DMXL1: variants seen among roughly 807,000 people sequenced by gnomAD.
DMXL1 encodes the protein dmX-like protein 1.
Under a neutral mutation model 319.2 loss-of-function variants are expected in DMXL1, and 99 were observed. That is an observed-to-expected ratio of 0.31 (90% CI 0.26 to 0.37). The LOEUF (loss-of-function observed/expected upper bound fraction) is 0.37. Ranked by LOEUF, DMXL1 falls within the 10% of genes least tolerant of loss-of-function variation. The probability of loss-of-function intolerance (pLI) is 1.00; values close to 1 mark genes in which losing one functional copy is unlikely to be tolerated. For synonymous variants in DMXL1, 1,385 were observed against 1,235.2 expected (o/e 1.12, Z -2.54); for missense variants, 3,745 against 3,595.6 (o/e 1.04, Z -1.06).
chr5:119,125,689 C>G (rs1763380959), intron 9 of DMXL1, among the ~76,000 whole-genome samples: 1 of 151,956 alleles, frequency 6.6e-6, no homozygotes, highest in Admixed American at 6.6e-5. Context: ...CTCTGCCTCC[C>G]AAGTAGCTGG....
intron 42 of DMXL1, among the ~76,000 whole-genome samples, chr5:119,241,027 C>A (rs973822426): frequency 6.6e-6 from 1 of 152,102 alleles, no homozygotes; most frequent in African/African-American, 2.4e-5. Flanking sequence ...AGATGAAAAT[C>A]ATAATTTTTT....
At position 119,238,980 on chromosome 5, in the gene DMXL1, C is replaced by T; in HGVS notation, c.8560-9C>T. On this transcript the variant is annotated splice_polypyrimidine_tract_variant and intron_variant, in intron 40 of 43. Coordinates refer to ENST00000539542, the MANE Select transcript of DMXL1 (RefSeq NM_001290321.3). ...GAGGAGTAACACGTATTGTTTGTAA[C>T]CATTCCAGACTTGGCAGTGTCATAA... is the stretch of plus-strand genomic sequence containing the variant. 6.2e-7 allele frequency: 1 copy of T among 1,613,472 alleles called. No individual in the cohort carries two copies. Among genetic ancestry groups the T allele is most frequent in the African/African-American group, 1.3e-5 (1 of 74,992 alleles).
chr5:119,153,122 G>A (rs1236577552), intron 19 of DMXL1, among the ~76,000 whole-genome samples: 1 of 151,866 alleles, frequency 6.6e-6, no homozygotes, highest in Non-Finnish European at 1.5e-5. Flanking sequence ...GACTACAGGC[G>A]CACACCACCA....
At chr5:119,117,704 A>G (rs908395300) in intron 7 of DMXL1, among the ~76,000 whole-genome samples, 1 of 152,114 alleles carries the variant, frequency 6.6e-6, no homozygotes, top group African/African-American at 2.4e-5. Flanking sequence ...AAAACAAGGA[A>G]GTAGACAGAA....
At chr5:119,122,033 A>G (rs1393463675) in intron 9 of DMXL1, among the ~76,000 whole-genome samples, 22 of 98,506 alleles carry the variant, frequency 2.2e-4, no homozygotes, top group South Asian at 7.5e-4. Context: ...CTGGCCGGGC[A>G]GGGGGCTGAC....
chr5:119,143,194 G>A (rs146133089), intron 13 of DMXL1, among the ~76,000 whole-genome samples: 114 of 151,832 alleles, frequency 7.5e-4, no homozygotes, highest in African/African-American at 2.7e-3. Flanking sequence ...TTTAGCACAC[G>A]TACTCCCAAA....
At chr5:119,156,680 T>G (rs1771151356) in intron 19 of DMXL1, among the ~76,000 whole-genome samples, 1 of 151,948 alleles carries the variant, frequency 6.6e-6, no homozygotes, top group Non-Finnish European at 1.5e-5. Flanking sequence ...TAGTTAAAAT[T>G]TCTTTTCTTT....
chr5:119,223,004 C>A (rs193137336), intron 37 of DMXL1, among the ~76,000 whole-genome samples: 1 of 149,950 alleles, frequency 6.7e-6, no homozygotes, highest in East Asian at 2.0e-4. Context: ...ATTTTATCAT[C>A]TTTATTATCC....
At chr5:119,178,818 C>A (rs1329659489) in intron 28 of DMXL1, 1 of 197,994 alleles carries the variant, frequency 5.1e-6, no homozygotes, top group Non-Finnish European at 9.1e-6. Flanking sequence ...TTCCTTTGAT[C>A]AAGCCATATT....
intron 30 of DMXL1, among the ~76,000 whole-genome samples, chr5:119,194,561 A>C (rs937697286): frequency 6.6e-6 from 1 of 152,228 alleles, no homozygotes; most frequent in Middle Eastern, 3.2e-3. Flanking sequence ...TAATGGTGTG[A>C]TAAAAAATGT....
chr5:119,106,995 T>C (rs1758494150), intron 4 of DMXL1, among the ~76,000 whole-genome samples: 2 of 152,154 alleles, frequency 1.3e-5, no homozygotes. Context: ...CTTGAGAAGC[T>C]TGTATATCAT....
chr5:119,077,176 G>T (rs1271007830), intron 1 of DMXL1, among the ~76,000 whole-genome samples: 1 of 143,752 alleles, frequency 7.0e-6, no homozygotes, highest in African/African-American at 3.0e-5. Flanking sequence ...TTATTTTTTT[G>T]AGGCAGGATC....
rs746370261 is a variant in DMXL1 at position 119,119,012 on chromosome 5, T to G, written c.933+8T>G. On this transcript the variant is annotated splice_region_variant and intron_variant, in intron 8 of 43. Coordinates refer to ENST00000539542, the MANE Select transcript of DMXL1 (RefSeq NM_001290321.3). ...GTTCAAAATGCTTTAGAAGTGAGTGTTTTTGTTACATTACTTACTACAAGT... is the reference window on the plus strand; with the variant it reads ...GTTCAAAATGCTTTAGAAGTGAGTGGTTTTGTTACATTACTTACTACAAGT... The G allele has an allele frequency of 1.9e-6, 3 of 1,589,876 alleles. No individual in the cohort carries two copies. In the African/African-American group the frequency reaches 4.1e-5, roughly 21 times the overall value.
intron 22 of DMXL1, among the ~76,000 whole-genome samples, chr5:119,167,171 T>C (rs573051405): frequency 6.6e-6 from 1 of 152,260 alleles, no homozygotes; most frequent in African/African-American, 2.4e-5. Context: ...ATTATGAATA[T>C]TTAAGATACA....
At chr5:119,202,891 A>ATATATATATATATT (rs1781046718) in intron 32 of DMXL1, among the ~76,000 whole-genome samples, 3 of 139,962 alleles carry the variant, frequency 2.1e-5, no homozygotes, top group African/African-American at 8.3e-5. Context: ...ATTTTTATAT[A>ATATATATATATATT]TATATATATA....
intron 34 of DMXL1, among the ~76,000 whole-genome samples, chr5:119,207,411 A>G (rs1781936265): frequency 6.6e-6 from 1 of 152,212 alleles, no homozygotes; most frequent in South Asian, 2.1e-4. Flanking sequence ...TTAAGAGGAT[A>G]CATAGTAAGT....
At chr5:119,139,185 AAT>A (rs202137560) in intron 13 of DMXL1, among the ~76,000 whole-genome samples, 6,008 of 152,264 alleles carry the variant, frequency 0.039, 317 homozygotes, top group African/African-American at 0.12. Flanking sequence ...AACACACTTA[AAT>A]ATACACAGAC....
chr5:119,115,495 A>G (rs1272972218), intron 6 of DMXL1, among the ~76,000 whole-genome samples: 2 of 152,224 alleles, frequency 1.3e-5, no homozygotes, highest in East Asian at 1.9e-4. Context: ...GCATTCTGCA[A>G]ACTAAGAGTG....
chr5:119,165,424 G>A (rs761233406), intron 21 of DMXL1, 144 bp downstream of exon 21: 61 of 533,474 alleles, frequency 1.1e-4, no homozygotes, highest in Middle Eastern at 5.0e-4. Context: ...GAGAGATTTC[G>A]TAAGGAAAAA....
Sources: allele counts gnomAD v4.1 joint callset (sites outside exome capture counted in the v4.1 genomes callset), GRCh38; gene constraint gnomAD v4.1.1; transcripts MANE v1.5; gene names NCBI Gene and HGNC (gene_info 2026-07-23, HGNC 2026-07-21).